Variants in IDUA observed in about 807,000 individuals in gnomAD.
IDUA encodes the protein alpha-L-iduronidase, also known as iduronidase alpha-L-.
IDUA carries 65 observed loss-of-function variants against 68.9 expected under a neutral mutation model. The ratio of observed to expected loss-of-function variants is 0.94; its 90% CI spans 0.77 to 1.16. The LOEUF (loss-of-function observed/expected upper bound fraction) is 1.16, where lower values mean the gene tolerates loss of function less well. Ranked by LOEUF, IDUA falls within the 50% of genes most tolerant of loss-of-function variation. The probability of loss-of-function intolerance (pLI) is 0.00; values close to 1 mark genes in which losing one functional copy is unlikely to be tolerated. For missense variants in IDUA, 1,046 were observed against 938.0 expected (o/e 1.12, Z -1.50); for synonymous variants, 529 against 433.6 (o/e 1.22, Z -2.73).
chr4:988,781 C>G, intron 2 of IDUA: 1 of 1,475,692 alleles, frequency 6.8e-7, no homozygotes, highest in Non-Finnish European at 9.0e-7. Flanking sequence ...TTGCAGACGT[C>G]TGCTGTGGGT....
In IDUA at chr4:987,518, C is replaced by A. The variant is rs150279766; in HGVS notation, c.158+276C>A. 170 of 903,718 alleles carry A rather than the reference C, an allele frequency of 1.9e-4. No individual in the cohort carries two copies. The African/African-American group carries it at 2.6e-3, about 14-fold the overall frequency. 56.0% of individuals were successfully genotyped at this position (903,718 alleles called of 1,614,324 possible). A position where few individuals can be genotyped will look rare whatever the true frequency, so the allele number is the denominator to read the frequency against. The stretch of plus-strand genomic sequence containing the variant: ...CCCCTGGGAGTGGACGGCCCTGCAG[C>A]GGGACCTGGCCTGCCTGTCCCATTC... On this transcript the variant is annotated intron_variant, in intron 1 of 13. Coordinates refer to ENST00000514224, the MANE Select transcript of IDUA (RefSeq NM_000203.5).
chr4:994,368 T>A (rs532720601), intron 2 of IDUA, among the ~76,000 whole-genome samples: 12 of 149,584 alleles, frequency 8.0e-5, no homozygotes, highest in African/African-American at 1.7e-4. Flanking sequence ...CTCTGCCTCC[T>A]GGGTTCACGC....
At chr4:1,000,404 T>C (rs1715000943) in intron 2 of IDUA, among the ~76,000 whole-genome samples, 2 of 151,894 alleles carry the variant, frequency 1.3e-5, no homozygotes, top group Non-Finnish European at 1.5e-5. Flanking sequence ...TGGTGTAGGG[T>C]TGGGGGGTCT....
chr4:990,514 A>T, intron 2 of IDUA: 2 of 742,336 alleles, frequency 2.7e-6, no homozygotes, highest in Non-Finnish European at 4.3e-6. Context: ...GACTCCTCAC[A>T]CGGGCCTGAG....
At chr4:1,003,002 C>A (rs1715201017) in intron 9 of IDUA, 34 bp from the exon 10 acceptor site, 2 of 1,433,856 alleles carry the variant, frequency 1.4e-6, no homozygotes, top group Non-Finnish European at 1.8e-6. Flanking sequence ...GGGGGCGGCC[C>A]GGGGAGCCGA....
rs748997591 is a variant in IDUA at position 1,002,468 on chromosome 4, G to C, written c.1172G>C (p.Gly391Ala). ...LLRKPVLTAM[G>A]LLALLDEEQL... ...CGCAAGCCGGTGCTCACGGCCATGG[G>C]GCTGCTGGCGCTGCTGGGTGAGCCG... Residue 391 changes from glycine to alanine, a missense_variant, in exon 8 of 14, where the codon GGG becomes GCG. Transcript: ENST00000514224. 1 of 1,546,516 alleles carries C rather than the reference G, an allele frequency of 6.5e-7. No homozygotes were observed.
intron 2 of IDUA, chr4:990,067 G>A (rs528427910): frequency 1.2e-5 from 20 of 1,601,072 alleles, no homozygotes; most frequent in South Asian, 1.1e-5. Flanking sequence ...CGTGGGCAGC[G>A]GCACCCTCAG....
At chr4:991,092 C>G in intron 2 of IDUA, 1 of 1,512,214 alleles carries the variant, frequency 6.6e-7, no homozygotes. Flanking sequence ...GGGGGGTGCC[C>G]TGGGCCCCTC....
Position 1,004,108 on chromosome 4 carries a change from C to T in IDUA, c.1824C>T (p.Ser608=), listed in dbSNP as rs976055111. 1 of 1,612,712 alleles carries T rather than the reference C, an allele frequency of 6.2e-7. No individual in the cohort carries two copies. Among genetic ancestry groups the T allele is most frequent in the Non-Finnish European group, 8.5e-7 (1 of 1,179,750 alleles). Residue 608 remains serine, a synonymous_variant, in exon 13 of 14, where the codon AGC becomes AGT. Coordinates refer to ENST00000514224, the MANE Select transcript of IDUA (RefSeq NM_000203.5). The surrounding 1 kb of genome is among the most constrained non-coding windows in gnomAD (Gnocchi z 5.0). The stretch of plus-strand genomic sequence containing the variant: ...CGACCTTCAACCTCTTTGTGTTCAG[C>T]CCAGGTGCGCCCACCACCCGCTGCC... ...KPSTFNLFVF[S]PDTGAVSGSY...
intron 2 of IDUA, among the ~76,000 whole-genome samples, chr4:1,000,347 G>A (rs529250592): frequency 6.6e-6 from 1 of 152,346 alleles, no homozygotes; most frequent in East Asian, 1.9e-4. Context: ...GTGCCACTGA[G>A]CCTCAGAGCC....
At chr4:995,662 C>T (rs761700370) in intron 2 of IDUA, among the ~76,000 whole-genome samples, 14 of 152,206 alleles carry the variant, frequency 9.2e-5, no homozygotes, top group Non-Finnish European at 1.9e-4. Flanking sequence ...GCTGATGTGC[C>T]GGGGCTCCAT....
At chr4:993,938 A>G (rs1714567778) in intron 2 of IDUA, among the ~76,000 whole-genome samples, 1 of 152,244 alleles carries the variant, frequency 6.6e-6, no homozygotes, top group African/African-American at 2.4e-5. Flanking sequence ...GCCGGGGTCA[A>G]GGTGCCGTGA....
chr4:998,689 C>T (rs1714886360), intron 2 of IDUA, among the ~76,000 whole-genome samples: 1 of 152,190 alleles, frequency 6.6e-6, no homozygotes, highest in Non-Finnish European at 1.5e-5. Context: ...TGTCCAACTC[C>T]ACATGGCCAA....
At chr4:992,588 A>T (rs1449057124) in intron 2 of IDUA, 2 of 199,820 alleles carry the variant, frequency 1.0e-5, no homozygotes, top group Non-Finnish European at 2.1e-5. Flanking sequence ...CTGGGACGTG[A>T]GGCGCCCTTT....
chr4:994,795 T>C (rs149749660), intron 2 of IDUA, among the ~76,000 whole-genome samples: 1 of 151,822 alleles, frequency 6.6e-6, no homozygotes, highest in African/African-American at 2.4e-5. Flanking sequence ...GGTGTGGTGG[T>C]GTGTGCCTGT....
intron 4 of IDUA, 136 bp downstream of exon 4, chr4:1,001,125 G>T (rs1273193196): frequency 3.3e-5 from 23 of 698,986 alleles, no homozygotes; most frequent in Non-Finnish European, 4.7e-5. Context: ...GGGGATGGGG[G>T]TGACAAGGGA....
intron 3 of IDUA, 80 bp downstream of exon 3, chr4:1,000,777 G>A: frequency 6.9e-7 from 1 of 1,458,988 alleles, no homozygotes; most frequent in Non-Finnish European, 9.6e-7. Flanking sequence ...GCCCCTCTGA[G>A]TCCTTGGATG....
rs1416328981 is a variant in IDUA, at chr4:1,003,099, G to A, written c.1466G>A (p.Arg489His). The change falls in exon 10 of 14, where the codon CGC (arginine) becomes CAC (histidine). Residue 489 changes from arginine (R) to histidine (H), a missense_variant. Transcript: ENST00000514224. ...TGCAGCCCCGACGGCGAGTGGCGGC[G>A]CCTGGGCCGGCCCGTCTTCCCCACG... ...GLCSPDGEWR[R>H]LGRPVFPTAE... is the part of the protein sequence containing the mutation. The A allele has an allele frequency of 6.6e-7, 1 of 1,517,728 alleles. No homozygotes were observed. The highest frequency in any genetic ancestry group is 8.8e-7 in the Non-Finnish European group (1 of 1,141,186). The allele number at this position is 1,517,728 out of a possible 1,614,324, so 94.0% of individuals were successfully genotyped here. A position where few individuals can be genotyped will look rare whatever the true frequency, so the allele number is the denominator to read the frequency against.
rs149307649 is a variant in IDUA, at chr4:991,508, G to A, written c.299+3559G>A. 61 of 1,609,720 alleles carry A rather than the reference G, an allele frequency of 3.8e-5. No homozygotes were observed. The East Asian group carries it at 8.9e-4, about 24-fold the overall frequency. ...ATGACGTCGCCTGCCAGGTACTCCC[G>A]CGGGCGGTACTGACGCAGCCAGCGC... is the stretch of plus-strand genomic sequence containing the variant. On this transcript the variant is annotated intron_variant, in intron 2 of 13. Coordinates refer to ENST00000514224, the MANE Select transcript of IDUA (RefSeq NM_000203.5).
Sources: gnomAD v4.1 joint callset for allele counts (sites outside exome capture counted in the v4.1 genomes callset) on GRCh38, gnomAD v4.1.1 for gene constraint, Gnocchi (gnomAD v3.1) non-coding constraint, MANE v1.5 for transcripts, NCBI Gene and HGNC (gene_info 2026-07-23, HGNC 2026-07-21) for gene names.